The following PINX1 variants were observed in gnomAD, a reference collection of about 807,000 sequenced individuals.
PINX1 encodes the protein PIN2/TERF1-interacting telomerase inhibitor 1.
In PINX1, 34 loss-of-function variants were observed where a neutral mutation model predicts 25.4. The observed-to-expected ratio is 1.34, with a 90% confidence interval of 1.02 to 1.78. The LOEUF is 1.78. PINX1 is among the 40% of genes most tolerant of loss of function. The pLI is 0.00. For missense variants in PINX1, 592 were observed against 404.9 expected (o/e 1.46, Z -3.97); for synonymous variants, 197 against 147.7 (o/e 1.33, Z -2.42).
At chr8:10,810,641 G>T (rs1183449612) in intron 6 of PINX1, among the ~76,000 whole-genome samples, 1 of 152,174 alleles carries the variant, frequency 6.6e-6, no homozygotes, top group African/African-American at 2.4e-5. Flanking sequence ...CTAAGGGAAG[G>T]CAAGCAGTCA....
rs759637003 is a variant in PINX1, at chr8:10,825,393, CA to C, written c.394+758del. On this transcript the variant is annotated intron_variant, in intron 5 of 6. Transcript: ENST00000314787. ...GATATTACAGCATCAGCAGCATCAT[CA>C]CGCTTCTTATGTAAACTATGTAATA... 4.1e-5 allele frequency: 22 copies of C among 534,716 alleles called. No homozygotes were observed. In the African/African-American group the frequency reaches 4.2e-4, roughly 10 times the overall value. 33.1% of individuals were successfully genotyped at this position (534,716 alleles called of 1,614,324 possible). A position where few individuals can be genotyped will look rare whatever the true frequency, so the allele number is the denominator to read the frequency against.
chr8:10,789,524 G>T (rs11783803), intron 6 of PINX1, among the ~76,000 whole-genome samples: 19,705 of 152,168 alleles, frequency 0.13, 2,041 homozygotes, highest in African/African-American at 0.28. Flanking sequence ...TAGGTCTCCA[G>T]AACTTACTCA....
chr8:10,785,499 A>G (rs1801720281), intron 6 of PINX1, among the ~76,000 whole-genome samples: 1 of 152,216 alleles, frequency 6.6e-6, no homozygotes, highest in Non-Finnish European at 1.5e-5. Context: ...ACTATAAAAA[A>G]CACTTTCAGG....
chr8:10,769,897 C>G (rs1414018547), intron 6 of PINX1, among the ~76,000 whole-genome samples: 2 of 152,120 alleles, frequency 1.3e-5, no homozygotes, highest in East Asian at 3.9e-4. Context: ...TATCAATTGA[C>G]CACATAATCC....
At position 10,791,771 on chromosome 8, in the gene PINX1, G is replaced by A. The variant is rs75699830; in HGVS notation, c.472-25855C>T. Among the ~76,000 whole-genome samples the A allele has an allele frequency of 2.4e-3, 363 of 152,300 alleles. 1 individual carries two copies. The highest frequency in any genetic ancestry group is 8.5e-3 in the African/African-American group (352 of 41,560). On this transcript the variant is annotated intron_variant, in intron 6 of 6. Coordinates refer to ENST00000314787, the MANE Select transcript of PINX1 (RefSeq NM_017884.6). ...ACTATAAACCCTGGAAGAGACGCCA[G>A]GGTGGTGGCGGCAACCTCTCTCCAG...
At chr8:10,808,025 C>G (rs1255401073) in intron 6 of PINX1, among the ~76,000 whole-genome samples, 1 of 152,174 alleles carries the variant, frequency 6.6e-6, no homozygotes, top group Non-Finnish European at 1.5e-5. Context: ...CAAAATCACA[C>G]AGATATACAG....
intron 5 of PINX1, 171 bp from the exon 6 acceptor site, chr8:10,820,440 C>A: frequency 1.5e-6 from 1 of 655,742 alleles, no homozygotes; most frequent in Admixed American, 2.4e-5. Context: ...CATTAGTAAA[C>A]AAAATTAATT....
intron 6 of PINX1, among the ~76,000 whole-genome samples, chr8:10,811,746 T>C (rs1317661074): frequency 2.0e-5 from 3 of 152,166 alleles, no homozygotes; most frequent in African/African-American, 4.8e-5. Context: ...GGCCTCCTCA[T>C]AGCTTGGGGC....
intron 6 of PINX1, among the ~76,000 whole-genome samples, chr8:10,789,784 CCA>C (rs1174649440): frequency 6.6e-6 from 1 of 151,938 alleles, no homozygotes; most frequent in African/African-American, 2.4e-5. Context: ...ACCACTGAGA[CCA>C]CACACACACA....
intron 6 of PINX1, among the ~76,000 whole-genome samples, chr8:10,807,672 G>C (rs745978067): frequency 3.3e-5 from 5 of 152,164 alleles, no homozygotes; most frequent in Admixed American, 2.6e-4. Flanking sequence ...GAAGACACTA[G>C]AGTAATACCT....
At chr8:10,795,665 CT>C (rs1802062525) in intron 6 of PINX1, among the ~76,000 whole-genome samples, 1 of 152,174 alleles carries the variant, frequency 6.6e-6, no homozygotes, top group South Asian at 2.1e-4. Context: ...CAATAAAAGT[CT>C]TTAACTTGTG....
chr8:10,794,624 A>C (rs560737624), intron 6 of PINX1, among the ~76,000 whole-genome samples: 2 of 152,126 alleles, frequency 1.3e-5, no homozygotes, highest in East Asian at 3.9e-4. Context: ...ACGGGGTTTC[A>C]CCATGTTGAC....
chr8:10,833,021 C>G, intron 2 of PINX1, 37 bp from the exon 3 acceptor site: 2 of 1,285,764 alleles, frequency 1.6e-6, no homozygotes, highest in Non-Finnish European at 1.1e-6. Context: ...GAACATTCCT[C>G]TCACTGATAC....
intron 6 of PINX1, among the ~76,000 whole-genome samples, chr8:10,794,820 A>G (rs1414637003): frequency 6.6e-6 from 1 of 152,144 alleles, no homozygotes; most frequent in Non-Finnish European, 1.5e-5. Flanking sequence ...TGTTTTTAAG[A>G]TTCCATTTTG....
At chr8:10,819,869 C>G (rs1166856705) in intron 6 of PINX1, among the ~76,000 whole-genome samples, 6 of 152,108 alleles carry the variant, frequency 3.9e-5, no homozygotes, top group Non-Finnish European at 8.8e-5. Flanking sequence ...CTCCCCTTCT[C>G]GGCCATGGAA....
chr8:10,831,892 T>A (rs1047428981), intron 3 of PINX1, 149 bp from the exon 4 acceptor site: 2 of 617,422 alleles, frequency 3.2e-6, no homozygotes, highest in African/African-American at 3.7e-5. Flanking sequence ...TTTAAGTGGA[T>A]TCAAGAAATA....
Position 10,775,410 on chromosome 8 carries a change from G to GT in PINX1, c.472-9495dup, listed in dbSNP as rs143926728. On this transcript the variant is annotated intron_variant, in intron 6 of 6. Coordinates refer to ENST00000314787, the MANE Select transcript of PINX1 (RefSeq NM_017884.6). ...AAGGATTAGTTCTGTCTGTTTTGTG[G>GT]TTTTTTTTTTTTTTTTTTTTTTTTT... 5.8e-3 allele frequency among the ~76,000 whole-genome samples: 631 copies of GT among 109,394 alleles called. 12 individuals carry two copies. The highest frequency in any genetic ancestry group is 8.2e-3 in the African/African-American group (255 of 31,122). The allele number at this position is 109,394 out of a possible 152,430, so 71.8% of individuals were successfully genotyped here. A position where few individuals can be genotyped will look rare whatever the true frequency, so the allele number is the denominator to read the frequency against.
intron 6 of PINX1, among the ~76,000 whole-genome samples, chr8:10,789,715 A>G (rs575687469): frequency 6.6e-6 from 1 of 152,294 alleles, no homozygotes; most frequent in Admixed American, 6.5e-5. Context: ...ATTGTTTTTC[A>G]AGTTCAGTAT....
Position 10,833,611 on chromosome 8 carries a change from G to A in PINX1, c.130-627C>T, listed in dbSNP as rs1798297201. Reference sequence around the variant, plus strand: ...GGGGTGCGGGAGGCTGGAGAAGAATGACAACTGGGGTGCGGGAGGCTGGAG... The same window carrying A: ...GGGGTGCGGGAGGCTGGAGAAGAATAACAACTGGGGTGCGGGAGGCTGGAG... On this transcript the variant is annotated intron_variant, in intron 2 of 6. Transcript: ENST00000314787. 3 of 60,276 alleles carry A rather than the reference G, an allele frequency of 5.0e-5. 1 individual carries two copies. In the East Asian group the frequency reaches 7.7e-4, roughly 15 times the overall value. 3.7% of individuals were successfully genotyped at this position (60,276 alleles called of 1,614,324 possible). A position where few individuals can be genotyped will look rare whatever the true frequency, so the allele number is the denominator to read the frequency against.
Sources: allele counts gnomAD v4.1 joint callset (sites outside exome capture counted in the v4.1 genomes callset), GRCh38; gene constraint gnomAD v4.1.1; transcripts MANE v1.5; gene names NCBI Gene and HGNC (gene_info 2026-07-23, HGNC 2026-07-21).